PTPN2: variants seen among roughly 807,000 people sequenced by gnomAD.
PTPN2 encodes the protein protein tyrosine phosphatase non-receptor type 2.
Under a neutral mutation model 57.3 loss-of-function variants are expected in PTPN2, and 19 were observed. The ratio of observed to expected loss-of-function variants is 0.33; its 90% CI spans 0.23 to 0.49. The LOEUF is 0.49. PTPN2 is among the 20% of genes least tolerant of loss of function. PTPN2 has a pLI of 0.99. For missense variants in PTPN2, 358 were observed against 501.1 expected (o/e 0.71, Z 2.73); for synonymous variants, 153 against 164.9 (o/e 0.93, Z 0.55).
downstream of PTPN2, among the ~76,000 whole-genome samples, chr18:12,788,366 G>A (rs372985253): frequency 6.7e-6 from 1 of 149,214 alleles, no homozygotes; most frequent in African/African-American, 2.5e-5. Flanking sequence ...AAATAAAGTA[G>A]GAAGAGTTCA....
chr18:12,876,549 G>C (rs572878101), intron 1 of PTPN2, among the ~76,000 whole-genome samples: 1 of 152,184 alleles, frequency 6.6e-6, no homozygotes, highest in South Asian at 2.1e-4. Context: ...CAACTATCTG[G>C]ATTTCCGTAA....
chr18:12,822,473 C>T (rs569972227), intron 5 of PTPN2, among the ~76,000 whole-genome samples: 2 of 152,142 alleles, frequency 1.3e-5, no homozygotes, highest in Non-Finnish European at 2.9e-5. Context: ...CACTGAAAGC[C>T]GAGATGCAAT....
At chr18:12,865,743 C>T (rs1312779019) in intron 1 of PTPN2, among the ~76,000 whole-genome samples, 1 of 151,920 alleles carries the variant, frequency 6.6e-6, no homozygotes, top group Non-Finnish European at 1.5e-5. Flanking sequence ...ACGAGAATTG[C>T]TTGAACCCAG....
downstream of PTPN2, chr18:12,787,520 G>A (rs2040872494): frequency 6.6e-6 from 1 of 152,160 alleles, no homozygotes; most frequent in Non-Finnish European, 1.5e-5. Flanking sequence ...TCCTTCCCCA[G>A]TATTTTGTTA....
rs9959363 is a variant in PTPN2, at chr18:12,870,374, C to T, written c.70-11120G>A. On this transcript the variant is annotated intron_variant, in intron 1 of 8. Transcript: ENST00000309660. ...ATGTGTATATATATGTGTATATATA[C>T]ATATATATACGTATATATGTATATA... 6.3e-4 allele frequency among the ~76,000 whole-genome samples: 25 copies of T among 39,500 alleles called. 1 individual carries two copies. Among genetic ancestry groups the T allele is most frequent in the African/African-American group, 2.3e-3 (9 of 3,844 alleles). 25.9% of individuals were successfully genotyped at this position (39,500 alleles called of 152,430 possible).
intron 2 of PTPN2, among the ~76,000 whole-genome samples, chr18:12,839,968 TTCACCAAATATA>T (rs1172869586): frequency 6.6e-6 from 1 of 151,720 alleles, no homozygotes; most frequent in Non-Finnish European, 1.5e-5. Context: ...ACCCACAGCT[TTCACCAAATATA>T]TCATTATTGT....
chr18:12,825,024 C>T (rs1349503726), intron 5 of PTPN2, among the ~76,000 whole-genome samples: 1 of 152,056 alleles, frequency 6.6e-6, no homozygotes, highest in Non-Finnish European at 1.5e-5. Flanking sequence ...AGTTGGAGGC[C>T]TCATTGAGAG....
intron 3 of PTPN2, among the ~76,000 whole-genome samples, chr18:12,832,945 T>C (rs1440881112): frequency 6.6e-6 from 1 of 152,104 alleles, no homozygotes; most frequent in African/African-American, 2.4e-5. Context: ...TGCACCACCA[T>C]GCCAGGCTGA....
Position 12,794,302 on chromosome 18 carries a change from C to G in PTPN2, c.1224G>C (p.Leu408=). ...TTTATAGGGCATTTTGCTGAAAAAA[C>G]AGTGTCCAGCCAACAAAAGCGCCAA... The part of the protein sequence containing the change: ...ILVGAFVGWT[L]FFQQNAL The change falls in exon 9 of 9, where the codon CTG becomes CTC. Residue 408 remains leucine, a synonymous_variant. Coordinates refer to ENST00000309660, the MANE Select transcript of PTPN2 (RefSeq NM_002828.4). The G allele has an allele frequency of 6.2e-7, 1 of 1,614,176 alleles. No homozygotes were observed.
chr18:12,858,939 T>C (rs2043692916), intron 2 of PTPN2, among the ~76,000 whole-genome samples: 1 of 152,226 alleles, frequency 6.6e-6, no homozygotes, highest in Non-Finnish European at 1.5e-5. Flanking sequence ...TTGTGGGAAA[T>C]ACACCAAAAT....
intron 5 of PTPN2, among the ~76,000 whole-genome samples, chr18:12,824,120 A>C (rs970500315): frequency 3.3e-5 from 5 of 152,248 alleles, no homozygotes; most frequent in Non-Finnish European, 5.9e-5. Flanking sequence ...AGCTCAGTCC[A>C]GTATCAAAGA....
intron 8 of PTPN2, 178 bp downstream of exon 8, chr18:12,801,792 C>T (rs1416774061): frequency 3.1e-6 from 2 of 643,152 alleles, no homozygotes; most frequent in Non-Finnish European, 5.3e-6. Context: ...TGGTTTCAAA[C>T]TCCTAGACTC....
intron 2 of PTPN2, among the ~76,000 whole-genome samples, chr18:12,858,909 CTG>C (rs1446965697): frequency 6.6e-6 from 1 of 152,140 alleles, no homozygotes; most frequent in Non-Finnish European, 1.5e-5. Context: ...GAAAGGAAAA[CTG>C]TGCATAAGAA....
chr18:12,856,043 CAG>C (rs907489927), intron 2 of PTPN2, among the ~76,000 whole-genome samples: 1 of 152,172 alleles, frequency 6.6e-6, no homozygotes, highest in Non-Finnish European at 1.5e-5. Flanking sequence ...CTCAAGGCAG[CAG>C]AGTTTCAGAT....
At chr18:12,790,757 A>T (rs994449324), downstream of PTPN2, among the ~76,000 whole-genome samples, 1 of 152,358 alleles carries the variant, frequency 6.6e-6, no homozygotes, top group Admixed American at 6.5e-5. Flanking sequence ...CACCAACTTT[A>T]GTTTAAGACA....
chr18:12,854,360 G>GAAAAGAAA (rs2043505733), intron 2 of PTPN2, among the ~76,000 whole-genome samples: 1 of 119,278 alleles, frequency 8.4e-6, no homozygotes, highest in Non-Finnish European at 1.6e-5. Flanking sequence ...ACCCTGTCTT[G>GAAAAGAAA]AAAAAAAAAA....
downstream of PTPN2, among the ~76,000 whole-genome samples, chr18:12,789,418 T>C (rs956695512): frequency 6.6e-6 from 1 of 152,228 alleles, no homozygotes; most frequent in Non-Finnish European, 1.5e-5. Context: ...AAAATTTTAT[T>C]TATAAAATTC....
chr18:12,851,153 T>C (rs530160932), intron 2 of PTPN2, among the ~76,000 whole-genome samples: 1 of 152,210 alleles, frequency 6.6e-6, no homozygotes, highest in South Asian at 2.1e-4. Flanking sequence ...GGATATAGGG[T>C]TCTATGTATT....
At chr18:12,791,838 G>A (rs1348778367), downstream of PTPN2, among the ~76,000 whole-genome samples, 1 of 152,162 alleles carries the variant, frequency 6.6e-6, no homozygotes, top group Non-Finnish European at 1.5e-5. Context: ...CAGCTGAGGG[G>A]TGAGGCACGT....
Sources: gnomAD v4.1 joint callset for allele counts (sites outside exome capture counted in the v4.1 genomes callset) on GRCh38, gnomAD v4.1.1 for gene constraint, MANE v1.5 for transcripts, NCBI Gene and HGNC (gene_info 2026-07-23, HGNC 2026-07-21) for gene names.